The following ADIPOR2 variants were observed in gnomAD, a reference collection of about 807,000 sequenced individuals.
ADIPOR2 encodes adiponectin receptor protein 2.
In ADIPOR2, 18 loss-of-function variants were observed where a neutral mutation model predicts 40.9. That is an observed-to-expected ratio of 0.44 (90% CI 0.30 to 0.65). ADIPOR2 has a LOEUF of 0.65. Among genes scored for constraint, ADIPOR2 ranks in the 30% least tolerant of loss-of-function variants. The pLI is 0.09. For synonymous variants in ADIPOR2, 165 were observed against 166.4 expected (o/e 0.99, Z 0.06); for missense variants, 283 against 479.2 (o/e 0.59, Z 3.82).
At chr12:1,785,206 G>A (rs960616052) in intron 7 of ADIPOR2, among the ~76,000 whole-genome samples, 3 of 152,196 alleles carry the variant, frequency 2.0e-5, no homozygotes, top group Admixed American at 6.5e-5. Flanking sequence ...TGACAGAATA[G>A]TGTAATTTTT....
At chr12:1,736,127 T>A (rs566715731) in intron 1 of ADIPOR2, among the ~76,000 whole-genome samples, 63 of 152,262 alleles carry the variant, frequency 4.1e-4, no homozygotes, top group African/African-American at 1.5e-3. Flanking sequence ...TTAGGGAGGA[T>A]TCCCTCTTTT....
At chr12:1,754,702 CTA>C (rs1862080431) in intron 2 of ADIPOR2, among the ~76,000 whole-genome samples, 188 bp downstream of exon 2, 1 of 54,874 alleles carries the variant, frequency 1.8e-5, no homozygotes, top group African/African-American at 8.5e-5. Flanking sequence ...ATTATTATTA[CTA>C]CTACTACTAC....
chr12:1,746,303 T>C (rs1157624896), intron 1 of ADIPOR2, among the ~76,000 whole-genome samples: 1 of 151,834 alleles, frequency 6.6e-6, no homozygotes, highest in African/African-American at 2.4e-5. Context: ...GTGGATCACT[T>C]GAGGTAAAAC....
At chr12:1,734,583 T>A (rs2094726671) in intron 1 of ADIPOR2, among the ~76,000 whole-genome samples, 1 of 152,254 alleles carries the variant, frequency 6.6e-6, no homozygotes, top group Non-Finnish European at 1.5e-5. Flanking sequence ...CTGATGGTAG[T>A]TTCTTTTGCT....
Position 1,787,351 on chromosome 12 carries a change from T to C in ADIPOR2, c.*1279T>C, listed in dbSNP as rs1183386093. 6.6e-6 allele frequency: 1 copy of C among 152,262 alleles called. No homozygotes were observed. The highest frequency in any genetic ancestry group is 2.4e-5 in the African/African-American group (1 of 41,460). The allele number at this position is 152,262 out of a possible 1,614,324, so 9.4% of individuals were successfully genotyped here. On this transcript the variant is annotated 3_prime_UTR_variant, in exon 8 of 8. Coordinates refer to ENST00000357103, the MANE Select transcript of ADIPOR2 (RefSeq NM_024551.3). The stretch of plus-strand genomic sequence containing the variant: ...GCCTGGATGTGACAGACACCTCGGC[T>C]CTCCTTGAATAAGAAAGCCAGCAGA...
rs571653305 is a variant in ADIPOR2, at chr12:1,695,180, C to T, written c.-87+3989C>T. ...ACAGACATGAGCCACTGCACTTGGC[C>T]GAGAGTTATTTTTTACAAAAATGGG... is the stretch of plus-strand genomic sequence containing the variant. On this transcript the variant is annotated intron_variant, in intron 1 of 7. Transcript: ENST00000357103. Among the ~76,000 whole-genome samples the T allele has an allele frequency of 7.2e-5, 11 of 151,818 alleles. No individual in the cohort carries two copies. The South Asian group carries it at 8.3e-4, about 11-fold the overall frequency.
intron 1 of ADIPOR2, among the ~76,000 whole-genome samples, chr12:1,716,558 G>A (rs1441943113): frequency 1.3e-5 from 2 of 152,182 alleles, no homozygotes; most frequent in Non-Finnish European, 2.9e-5. Flanking sequence ...TATTAAAACT[G>A]CATTGCAGAA....
intron 1 of ADIPOR2, among the ~76,000 whole-genome samples, chr12:1,740,028 G>A (rs887959196): frequency 3.3e-5 from 5 of 152,126 alleles, no homozygotes; most frequent in African/African-American, 7.2e-5. Context: ...CTTGAACCCG[G>A]GAGGCAGAGG....
At chr12:1,715,584 G>T (rs910046273) in intron 1 of ADIPOR2, among the ~76,000 whole-genome samples, 1 of 152,114 alleles carries the variant, frequency 6.6e-6, no homozygotes, top group Non-Finnish European at 1.5e-5. Context: ...TTCCCCTCTG[G>T]AGGACACTAC....
At chr12:1,715,591 C>T (rs1045316150) in intron 1 of ADIPOR2, among the ~76,000 whole-genome samples, 11 of 152,154 alleles carry the variant, frequency 7.2e-5, no homozygotes, top group African/African-American at 2.2e-4. Flanking sequence ...CTGGAGGACA[C>T]TACCACTGCA....
At chr12:1,772,125 G>C (rs1310361772) in intron 2 of ADIPOR2, among the ~76,000 whole-genome samples, 3 of 152,156 alleles carry the variant, frequency 2.0e-5, no homozygotes, top group African/African-American at 7.2e-5. Flanking sequence ...TTTAATTTTA[G>C]TAATTTATCT....
rs1466546488 is a variant in ADIPOR2, at chr12:1,772,902, A to G, written c.232A>G (p.Met78Val). The G allele has an allele frequency of 1.9e-6, 3 of 1,613,884 alleles. No homozygotes were observed. The change falls in exon 3 of 8, where the codon ATG (methionine) becomes GTG (valine). Residue 78 changes from methionine (M) to valine (V), a missense_variant. Physicochemically the swap from Met to Val is conservative, Grantham distance 21. Transcript: ENST00000357103. ...TCAGGAAGATGAGGGCTTTATGGGC[A>G]TGTCCCCTCTCTTACAAGCCCATCA... ...APQEDEGFMG[M>V]SPLLQAHHAM...
chr12:1,703,072 A>G (rs1026218787), intron 1 of ADIPOR2: 2 of 152,248 alleles, frequency 1.3e-5, no homozygotes, highest in African/African-American at 4.8e-5. Context: ...GTGTACAAAG[A>G]TGCTCTCTGA....
chr12:1,737,835 G>A (rs1438734133), intron 1 of ADIPOR2, among the ~76,000 whole-genome samples: 1 of 152,156 alleles, frequency 6.6e-6, no homozygotes, highest in Non-Finnish European at 1.5e-5. Context: ...TACAGGCGGA[G>A]CCACTGCGCC....
At chr12:1,756,740 A>G (rs1366398382) in intron 2 of ADIPOR2, among the ~76,000 whole-genome samples, 1 of 152,106 alleles carries the variant, frequency 6.6e-6, no homozygotes. Context: ...TAGAATATAG[A>G]TGAGAGATGA....
intron 1 of ADIPOR2, among the ~76,000 whole-genome samples, chr12:1,743,734 G>T (rs1183833697): frequency 1.3e-5 from 2 of 152,052 alleles, no homozygotes; most frequent in Non-Finnish European, 1.5e-5. Flanking sequence ...GAGTTATCTT[G>T]AACTGTTGAA....
At chr12:1,768,003 T>C (rs1338069714) in intron 2 of ADIPOR2, among the ~76,000 whole-genome samples, 2 of 152,206 alleles carry the variant, frequency 1.3e-5, no homozygotes, top group African/African-American at 4.8e-5. Flanking sequence ...GGCAAGAATT[T>C]CCGAGAACAA....
intron 3 of ADIPOR2, among the ~76,000 whole-genome samples, chr12:1,774,601 C>T (rs1402586866): frequency 3.9e-5 from 6 of 152,204 alleles, no homozygotes; most frequent in African/African-American, 7.2e-5. Context: ...AGAGTTTCCA[C>T]GTTTGATCTT....
chr12:1,785,982 T>C lies in ADIPOR2; in HGVS notation c.1071T>C (p.Ala357=). 1 of 1,614,232 alleles carries C rather than the reference T, an allele frequency of 6.2e-7. No individual in the cohort carries two copies. Among genetic ancestry groups the C allele is most frequent in the Non-Finnish European group, 8.5e-7 (1 of 1,180,032 alleles). The part of the protein sequence containing the change: ...SHQLFHIFVV[A]GAFVHFHGVS... ...AGCTGTTTCATATCTTTGTGGTTGCTGGAGCTTTTGTTCACTTCCATGGTG... is the reference window on the plus strand; with the variant it reads ...AGCTGTTTCATATCTTTGTGGTTGCCGGAGCTTTTGTTCACTTCCATGGTG... Residue 357 remains alanine, a synonymous_variant, in exon 8 of 8, where the codon GCT becomes GCC. Coordinates refer to ENST00000357103, the MANE Select transcript of ADIPOR2 (RefSeq NM_024551.3).
Sources: gnomAD v4.1 joint callset for allele counts (sites outside exome capture counted in the v4.1 genomes callset) on GRCh38, gnomAD v4.1.1 for gene constraint, MANE v1.5 for transcripts, NCBI Gene and HGNC (gene_info 2026-07-23, HGNC 2026-07-21) for gene names.